The following DRC12 variants were observed in gnomAD, a reference collection of about 807,000 sequenced individuals.
DRC12 encodes the protein dynein regulatory complex subunit 12 homolog.
At chr11:119,194,061 C>T in the DRC12 span, among the ~76,000 whole-genome samples, 1 of 152,158 alleles carries the variant, frequency 6.6e-6, no homozygotes, top group Non-Finnish European at 1.5e-5. Flanking sequence ...ACAGGCTCCT[C>T]ATTATTAAGA....
At chr11:119,194,622 G>A in the DRC12 span, among the ~76,000 whole-genome samples, 1 of 150,324 alleles carries the variant, frequency 6.7e-6, no homozygotes, top group Non-Finnish European at 1.5e-5. Context: ...CGGGAAGATT[G>A]TTGCGGCCCA....
chr11:119,191,724 C>T, the DRC12 span, among the ~76,000 whole-genome samples: 70 of 151,878 alleles, frequency 4.6e-4, no homozygotes, highest in East Asian at 0.013. Flanking sequence ...AGGAGAATTG[C>T]TTGAACGTAG....
At chr11:119,190,530 T>G in the DRC12 span, 8 of 1,594,208 alleles carry the variant, frequency 5.0e-6, no homozygotes, top group East Asian at 1.6e-4. This position sits in a 1 kb window ranked among gnomAD's most constrained non-coding sequence, Gnocchi z 4.2. Flanking sequence ...GTTCATAAGC[T>G]TTCCTTGCCC....
chr11:119,193,183 T>C, the DRC12 span: 13 of 1,614,024 alleles, frequency 8.1e-6, no homozygotes, highest in East Asian at 2.7e-4. Context: ...GACTTCTTCC[T>C]CCAGCTGCTT....
At chr11:119,195,721 C>T in the DRC12 span, 2 of 519,974 alleles carry the variant, frequency 3.8e-6, no homozygotes, top group Non-Finnish European at 3.4e-6. Context: ...TCATTCCTTG[C>T]AACTCTCTTT....
chr11:119,190,822 G>A, the DRC12 span: 1 of 1,612,916 alleles, frequency 6.2e-7, no homozygotes, highest in African/African-American at 1.3e-5. This position sits in a 1 kb window ranked among gnomAD's most constrained non-coding sequence, Gnocchi z 4.2. Context: ...GGCAGCTGCA[G>A]CCTCCCTTTG....
the DRC12 span, chr11:119,194,989 C>T: frequency 1.3e-6 from 2 of 1,551,328 alleles, no homozygotes; most frequent in Non-Finnish European, 1.7e-6. Flanking sequence ...GCCACCACAT[C>T]TGCACCTGCG....
chr11:119,192,027 G>A, the DRC12 span, among the ~76,000 whole-genome samples: 9 of 149,882 alleles, frequency 6.0e-5, no homozygotes, highest in Non-Finnish European at 1.5e-5. Flanking sequence ...CGAGGCTGGA[G>A]TGCAGTGGTG....
At chr11:119,194,058 C>A in the DRC12 span, among the ~76,000 whole-genome samples, 1 of 152,136 alleles carries the variant, frequency 6.6e-6, no homozygotes, top group Non-Finnish European at 1.5e-5. Context: ...CTCACAGGCT[C>A]CTCATTATTA....
At chr11:119,190,339 G>C in the DRC12 span, 4 of 1,613,802 alleles carry the variant, frequency 2.5e-6, no homozygotes, top group East Asian at 2.2e-5. The surrounding 1 kb of genome is among the most constrained non-coding windows in gnomAD (Gnocchi z 4.2). Context: ...ATCCAGGGGG[G>C]GTGAGTCCAA....
chr11:119,193,765 C>A, the DRC12 span: 1 of 1,551,694 alleles, frequency 6.4e-7, no homozygotes. Flanking sequence ...CGACCACACA[C>A]CTGCATATAT....
the DRC12 span, chr11:119,195,601 C>A: frequency 2.5e-6 from 2 of 807,812 alleles, no homozygotes; most frequent in Admixed American, 2.4e-5. Context: ...ATTTGTCTCT[C>A]ATATCCTTCA....
the DRC12 span, chr11:119,195,001 T>C: frequency 1.3e-6 from 2 of 1,549,788 alleles, no homozygotes; most frequent in Admixed American, 2.0e-5. Flanking sequence ...GCACCTGCGG[T>C]GGCAAGTGGC....
At chr11:119,190,748 T>C in the DRC12 span, 13 of 1,614,142 alleles carry the variant, frequency 8.1e-6, no homozygotes, top group African/African-American at 2.7e-5. The surrounding 1 kb of genome is among the most constrained non-coding windows in gnomAD (Gnocchi z 4.2). Context: ...ATGTCTGCCA[T>C]GTGGGCCCGA....
the DRC12 span, chr11:119,190,577 G>A: frequency 3.9e-6 from 6 of 1,549,444 alleles, no homozygotes; most frequent in Admixed American, 3.5e-5. This position sits in a 1 kb window ranked among gnomAD's most constrained non-coding sequence, Gnocchi z 4.2. Context: ...CTGCCCTCAG[G>A]ATAGAGCAGG....
the DRC12 span, among the ~76,000 whole-genome samples, chr11:119,194,495 CAG>C: frequency 9.7e-6 from 1 of 103,080 alleles, no homozygotes. Flanking sequence ...GCCTGGGCGA[CAG>C]AGCACAAGAC....
the DRC12 span, among the ~76,000 whole-genome samples, chr11:119,194,722 C>A: frequency 6.7e-6 from 1 of 149,340 alleles, no homozygotes; most frequent in Admixed American, 6.8e-5. Flanking sequence ...CCAAAAAAAA[C>A]AAAAAACAAA....
chr11:119,190,336 G>A, the DRC12 span: 4,226 of 1,614,144 alleles, frequency 2.6e-3, 18 homozygotes, highest in Non-Finnish European at 3.2e-3. This position sits in a 1 kb window ranked among gnomAD's most constrained non-coding sequence, Gnocchi z 4.2. Context: ...AAGATCCAGG[G>A]GGGGTGAGTC....
the DRC12 span, among the ~76,000 whole-genome samples, chr11:119,192,721 A>C: frequency 1.3e-5 from 2 of 152,050 alleles, no homozygotes; most frequent in African/African-American, 4.8e-5. Context: ...ATCTCGGCTC[A>C]CTGCAACCTC....
Sources: gnomAD v4.1 joint callset for allele counts (sites outside exome capture counted in the v4.1 genomes callset) on GRCh38, gnomAD v4.1.1 for gene constraint, Gnocchi (gnomAD v3.1) non-coding constraint, MANE v1.5 for transcripts, NCBI Gene and HGNC (gene_info 2026-07-23, HGNC 2026-07-21) for gene names.